The following CDH11 variants were observed in gnomAD, a reference collection of about 807,000 sequenced individuals.
The protein encoded by CDH11 is cadherin-11.
CDH11 carries 11 observed loss-of-function variants against 67.8 expected under a neutral mutation model. The ratio of observed to expected loss-of-function variants is 0.16; its 90% CI spans 0.10 to 0.27. CDH11 has a LOEUF of 0.27. CDH11 is among the 10% of genes least tolerant of loss of function. The pLI, the probability that CDH11 is intolerant of heterozygous loss-of-function variation, is 1.00. For synonymous variants in CDH11, 419 were observed against 400.0 expected, an observed-to-expected ratio of 1.05 and a Z score of -0.57; for missense variants, 847 against 1,031.2, an observed-to-expected ratio of 0.82 and a Z score of 2.45.
At chr16:64,977,275 T>A (rs1458932902) in intron 8 of CDH11, among the ~76,000 whole-genome samples, 1 of 152,058 alleles carries the variant, frequency 6.6e-6, no homozygotes, top group African/African-American at 2.4e-5. Flanking sequence ...CCCAAGTAGG[T>A]GGGAGTGGGC....
At chr16:65,082,431 C>T (rs911949022) in intron 1 of CDH11, among the ~76,000 whole-genome samples, 5 of 152,114 alleles carry the variant, frequency 3.3e-5, no homozygotes, top group Non-Finnish European at 5.9e-5. Flanking sequence ...CAAACCACAC[C>T]GCCAACCAGT....
intron 2 of CDH11, among the ~76,000 whole-genome samples, chr16:65,032,061 G>C (rs9930786): frequency 0.35 from 53,870 of 151,926 alleles, 9,874 homozygotes; most frequent in South Asian, 0.5. Context: ...GTGAATCAAT[G>C]GGGGAGGTGA....
chr16:65,075,718 T>C (rs2074496593), intron 1 of CDH11, among the ~76,000 whole-genome samples: 1 of 152,166 alleles, frequency 6.6e-6, no homozygotes, highest in Admixed American at 6.5e-5. Context: ...CAGGATGCCA[T>C]CCCTAGACAA....
intron 1 of CDH11, among the ~76,000 whole-genome samples, chr16:65,104,267 C>T (rs1379391976): frequency 6.6e-6 from 1 of 152,056 alleles, no homozygotes; most frequent in East Asian, 1.9e-4. Context: ...TTTGGAAGAG[C>T]AGCAATAGAT....
chr16:64,986,390 G>A (rs1011818584), intron 7 of CDH11: 10 of 152,062 alleles, frequency 6.6e-5, no homozygotes, highest in African/African-American at 2.4e-4. Context: ...TTTGCGACGT[G>A]TGAGTTCCAT....
At position 64,947,998 on chromosome 16, in the gene CDH11, C is replaced by G; in HGVS notation, c.1996G>C (p.Glu666Gln). The stretch of plus-strand genomic sequence containing the variant: ...TCTGTGTCTTCTTCCCCACCCCCTT[C>G]ATCATCATAAGTAATGATGTTCTCA... ...VRENIITYDD[E>Q]GGGEEDTEAF... Residue 666 changes from glutamate to glutamine, a missense_variant, in exon 13 of 13, where the codon GAA becomes CAA. Glu to Gln is a conservative substitution (Grantham distance 29, BLOSUM62 2). Transcript: ENST00000268603. 6.2e-7 allele frequency: 1 copy of G among 1,614,174 alleles called. No individual in the cohort carries two copies. Among genetic ancestry groups the G allele is most frequent in the Non-Finnish European group, 8.5e-7 (1 of 1,180,024 alleles).
Position 64,998,774 on chromosome 16 carries a change from T to C in CDH11, c.311A>G (p.Asp104Gly). Reference protein sequence around the residue: ...GEGAGTIFVIDDKSGNIHATK... With the variant: ...GEGAGTIFVIGDKSGNIHATK... ...GGCATGAATGTTCCCTGATTTGTCA[T>C]CAATCACAAAAATGGTTCCAGCTCC... Residue 104 changes from aspartate (D) to glycine (G), a missense_variant, in exon 4 of 13, where the codon GAT (aspartate) becomes GGT (glycine). Physicochemically the swap from Asp to Gly is moderately conservative, Grantham distance 94. This residue lies in a region of CDH11 where 235 missense variants were observed against 352.5 expected (regional missense o/e 0.67). Transcript: ENST00000268603. 2 of 1,614,144 alleles carry C rather than the reference T, an allele frequency of 1.2e-6. No homozygotes were observed. The highest frequency in any genetic ancestry group is 1.7e-6 in the Non-Finnish European group (2 of 1,180,002).
At chr16:65,000,777 C>A (rs2072901454) in intron 3 of CDH11, among the ~76,000 whole-genome samples, 1 of 151,856 alleles carries the variant, frequency 6.6e-6, no homozygotes, top group South Asian at 2.1e-4. Flanking sequence ...CCACTGTACT[C>A]CAGCCTGGCA....
chr16:64,959,319 C>G (rs2071608214), intron 11 of CDH11, among the ~76,000 whole-genome samples: 1 of 152,182 alleles, frequency 6.6e-6, no homozygotes, highest in South Asian at 2.1e-4. Context: ...TTAAAATCAA[C>G]TCTGCTTTCA....
In CDH11 at chr16:64,947,517, G is replaced by C; in HGVS notation, c.*86C>G. 1 of 1,516,632 alleles carries C rather than the reference G, an allele frequency of 6.6e-7. No homozygotes were observed. Among genetic ancestry groups the C allele is most frequent in the Non-Finnish European group, 8.8e-7 (1 of 1,135,982 alleles). The allele number at this position is 1,516,632 out of a possible 1,614,324, so 93.9% of individuals were successfully genotyped here. ...GCCTGTTTTAAATGAGCCTTTCCTT[G>C]ATTTAAAAAAATACCTGTTTACACA... is the stretch of plus-strand genomic sequence containing the variant. On this transcript the variant is annotated 3_prime_UTR_variant, in exon 13 of 13. Transcript: ENST00000268603.
At chr16:65,109,554 G>A (rs2142877899) in intron 1 of CDH11, among the ~76,000 whole-genome samples, 1 of 152,300 alleles carries the variant, frequency 6.6e-6, no homozygotes, top group East Asian at 1.9e-4. Flanking sequence ...CCCTCCAGAA[G>A]CTAAGATGCG....
At chr16:65,095,462 G>C (rs1034527039) in intron 1 of CDH11, among the ~76,000 whole-genome samples, 3 of 152,130 alleles carry the variant, frequency 2.0e-5, no homozygotes, top group Non-Finnish European at 4.4e-5. Flanking sequence ...CTAGGTTATA[G>C]TCTGCAGTTA....
intron 1 of CDH11, among the ~76,000 whole-genome samples, chr16:65,075,394 C>A (rs996728735): frequency 3.3e-5 from 5 of 152,208 alleles, no homozygotes; most frequent in African/African-American, 9.6e-5. Flanking sequence ...GGGCTCTCTT[C>A]ATCAAATCCT....
chr16:64,997,417 T>C (rs1443342094), intron 4 of CDH11, among the ~76,000 whole-genome samples: 1 of 149,620 alleles, frequency 6.7e-6, no homozygotes, highest in Non-Finnish European at 1.5e-5. Context: ...ATTTTATCCC[T>C]AAACATCAAT....
intron 2 of CDH11, among the ~76,000 whole-genome samples, chr16:65,014,386 T>C (rs1000000861): frequency 2.6e-5 from 4 of 152,322 alleles, no homozygotes; most frequent in Admixed American, 1.3e-4. Flanking sequence ...CAAAATCGTA[T>C]CATTTTAACA....
chr16:65,018,458 T>C (rs2073357497), intron 2 of CDH11, among the ~76,000 whole-genome samples: 1 of 152,158 alleles, frequency 6.6e-6, no homozygotes, highest in Middle Eastern at 3.2e-3. Flanking sequence ...TGGAAATAAC[T>C]ATATTGCCAT....
chr16:65,046,088 A>C (rs954382600), intron 2 of CDH11, among the ~76,000 whole-genome samples: 10 of 152,070 alleles, frequency 6.6e-5, no homozygotes, highest in African/African-American at 1.9e-4. Context: ...ATCCCTTTCC[A>C]TGTAACGCAG....
intron 1 of CDH11, chr16:65,059,651 G>A (rs1390698497): frequency 6.6e-6 from 1 of 152,194 alleles, no homozygotes; most frequent in Non-Finnish European, 1.5e-5. Context: ...CCTGAGCCCT[G>A]AAAGGCCCAT....
chr16:64,986,931 C>T (rs1413092697), intron 7 of CDH11: 1 of 152,184 alleles, frequency 6.6e-6, no homozygotes, highest in African/African-American at 2.4e-5. Flanking sequence ...AGATTCCTTT[C>T]AGGACCTGTC....
Sources: allele counts gnomAD v4.1 joint callset (sites outside exome capture counted in the v4.1 genomes callset), GRCh38; gene constraint gnomAD v4.1.1; regional missense constraint gnomAD v4.1.1; transcripts MANE v1.5; gene names NCBI Gene and HGNC (gene_info 2026-07-23, HGNC 2026-07-21).